TTLL5: variants seen among roughly 807,000 people sequenced by gnomAD.
TTLL5 encodes the protein tubulin tyrosine ligase like 5.
A neutral mutation model predicts 168.4 loss-of-function variants in TTLL5; 132 were observed. The observed-to-expected ratio is 0.78, with a 90% confidence interval of 0.68 to 0.91. TTLL5 has a LOEUF of 0.91. Ranked by LOEUF, TTLL5 falls within the 40% of genes least tolerant of loss-of-function variation. The pLI is 0.00. For synonymous variants in TTLL5, 546 were observed against 558.6 expected (o/e 0.98, Z 0.32); for missense variants, 1,545 against 1,581.5 (o/e 0.98, Z 0.39).
At chr14:75,817,830 CTTTTTTTTTTTTTTT>C (rs1045988787) in intron 27 of TTLL5, among the ~76,000 whole-genome samples, 2 of 83,860 alleles carry the variant, frequency 2.4e-5, no homozygotes, top group Non-Finnish European at 4.3e-5. Context: ...CTTTTCTTTT[CTTTTTTTTTTTTTTT>C]TTTTTTTTTT....
At chr14:75,825,641 ACAAT>A (rs1566620325) in intron 28 of TTLL5, among the ~76,000 whole-genome samples, 3 of 152,306 alleles carry the variant, frequency 2.0e-5, no homozygotes, top group Non-Finnish European at 2.9e-5. Flanking sequence ...GCCAAAGAGC[ACAAT>A]CAAAGAGAAA....
intron 24 of TTLL5, among the ~76,000 whole-genome samples, chr14:75,780,374 T>TGTA (rs1420116629): frequency 6.6e-6 from 1 of 152,206 alleles, no homozygotes; most frequent in African/African-American, 2.4e-5. Context: ...TGCCCCTACA[T>TGTA]GTTTCTAAAA....
Position 75,821,090 on chromosome 14 carries a change from A to G in TTLL5, c.3326+929A>G, listed in dbSNP as rs1228757823. 2.6e-5 allele frequency among the ~76,000 whole-genome samples: 4 copies of G among 152,172 alleles called. No individual in the cohort carries two copies. In the East Asian group the frequency reaches 7.7e-4, roughly 29 times the overall value. On this transcript the variant is annotated intron_variant, in intron 28 of 31. Coordinates refer to ENST00000298832, the MANE Select transcript of TTLL5 (RefSeq NM_015072.5). Reference sequence around the variant, plus strand: ...GGGGGTACTGAAGACTTGGACATGGAGGAAATACCTAGTTGTTGGTAAAGT... The same window carrying G: ...GGGGGTACTGAAGACTTGGACATGGGGGAAATACCTAGTTGTTGGTAAAGT...
intron 28 of TTLL5, among the ~76,000 whole-genome samples, chr14:75,855,255 G>A (rs989840167): frequency 1.3e-5 from 2 of 151,984 alleles, no homozygotes; most frequent in African/African-American, 4.8e-5. Context: ...CTTTGAATCT[G>A]TAGATTGATT....
chr14:75,770,474 GAT>G (rs1450103491), intron 20 of TTLL5, among the ~76,000 whole-genome samples: 3 of 152,200 alleles, frequency 2.0e-5, no homozygotes, highest in Non-Finnish European at 4.4e-5. Context: ...AGCATTCAGT[GAT>G]TGCATTTGTG....
At chr14:75,848,126 G>A (rs182704414) in intron 28 of TTLL5, among the ~76,000 whole-genome samples, 1 of 152,046 alleles carries the variant, frequency 6.6e-6, no homozygotes. Flanking sequence ...CTGAAGGAAG[G>A]GGGCAGAGGC....
chr14:75,805,829 C>T (rs1893621578), intron 27 of TTLL5, among the ~76,000 whole-genome samples: 1 of 151,516 alleles, frequency 6.6e-6, no homozygotes, highest in African/African-American at 2.4e-5. Flanking sequence ...CAGTGCCTCT[C>T]TTCACTTCCT....
intron 29 of TTLL5, among the ~76,000 whole-genome samples, chr14:75,865,921 A>G (rs1366797222): frequency 6.6e-6 from 1 of 152,236 alleles, no homozygotes; most frequent in Non-Finnish European, 1.5e-5. Flanking sequence ...AAAATCATTC[A>G]TCATAATTGT....
intron 18 of TTLL5, among the ~76,000 whole-genome samples, chr14:75,756,577 G>T (rs368910896): frequency 1.3e-5 from 2 of 151,514 alleles, no homozygotes; most frequent in African/African-American, 4.9e-5. Flanking sequence ...GCGCAATCTC[G>T]GCTCACTGCA....
At chr14:75,925,490 A>G (rs2034014529) in intron 31 of TTLL5, among the ~76,000 whole-genome samples, 1 of 141,416 alleles carries the variant, frequency 7.1e-6, no homozygotes, top group African/African-American at 2.7e-5. Context: ...ATCTCAGGCG[A>G]TGGGCGGCCG....
rs5809738 is a variant in TTLL5, at chr14:75,912,071, C to CT, written c.3823+9847_3823+9848insT. ...AACAGCAGCTCGGGTTAGCCCATCC[C>CT]GTGGCCAGGTCATTTGCTGGCTCCT... is the stretch of plus-strand genomic sequence containing the variant. On this transcript the variant is annotated intron_variant, in intron 31 of 31. Transcript: ENST00000298832. Among the ~76,000 whole-genome samples, 40 of 152,130 alleles carry CT rather than the reference C, an allele frequency of 2.6e-4. No homozygotes were observed. The East Asian group carries it at 6.6e-3, about 25-fold the overall frequency.
intron 28 of TTLL5, among the ~76,000 whole-genome samples, chr14:75,851,893 C>G (rs1035154165): frequency 3.3e-5 from 5 of 152,154 alleles, no homozygotes; most frequent in Admixed American, 1.3e-4. Context: ...GTTTAGTACC[C>G]TTATTGGTTA....
intron 28 of TTLL5, among the ~76,000 whole-genome samples, chr14:75,830,072 A>T (rs1050723643): frequency 1.3e-5 from 2 of 152,204 alleles, no homozygotes; most frequent in Non-Finnish European, 1.5e-5. Flanking sequence ...ATTGTTGGGG[A>T]TATAGCATAA....
intron 31 of TTLL5, among the ~76,000 whole-genome samples, chr14:75,928,595 GCTTATTACACTA>G (rs1012566669): frequency 3.0e-4 from 45 of 151,834 alleles, no homozygotes; most frequent in African/African-American, 1.1e-3. Flanking sequence ...ATTCTACGAT[GCTTATTACACTA>G]AAAAAAAGAC....
chr14:75,798,248 C>T (rs1255030194), intron 27 of TTLL5, among the ~76,000 whole-genome samples: 1 of 151,900 alleles, frequency 6.6e-6, no homozygotes, highest in African/African-American at 2.4e-5. Context: ...TTCATAGTAG[C>T]CTTGAGTTAT....
chr14:75,914,770 C>A (rs1260480114), intron 31 of TTLL5, among the ~76,000 whole-genome samples: 1 of 152,048 alleles, frequency 6.6e-6, no homozygotes, highest in African/African-American at 2.4e-5. Context: ...ACTACAGGAG[C>A]CTGCCACCAT....
chr14:75,766,229 G>T lies in TTLL5; in HGVS notation c.1876G>T (p.Val626Leu). The change falls in exon 20 of 32, where the codon GTA (valine) becomes TTA (leucine). Residue 626 changes from valine (V) to leucine (L), a missense_variant. Val to Leu is a conservative substitution (Grantham distance 32, BLOSUM62 1). Transcript: ENST00000298832. The stretch of plus-strand genomic sequence containing the variant: ...ATATACACCCTCATTGACAGCTTTG[G>T]TAGAAAATACACCCAAAGAAAATTC... ...AKYTPSLTAL[V>L]ENTPKENSMK... 1 of 1,613,996 alleles carries T rather than the reference G, an allele frequency of 6.2e-7. No individual in the cohort carries two copies. Among genetic ancestry groups the T allele is most frequent in the Non-Finnish European group, 8.5e-7 (1 of 1,179,964 alleles).
At chr14:75,934,444 C>G (rs1267136789) in intron 31 of TTLL5, among the ~76,000 whole-genome samples, 1 of 152,206 alleles carries the variant, frequency 6.6e-6, no homozygotes, top group African/African-American at 2.4e-5. Flanking sequence ...AAGCTATACT[C>G]TCATTCTGTG....
chr14:75,751,644 A>G (rs148725923), intron 17 of TTLL5, among the ~76,000 whole-genome samples: 47 of 152,328 alleles, frequency 3.1e-4, no homozygotes, highest in African/African-American at 1.1e-3. Context: ...CACTGTGGGT[A>G]ACTGAAACAT....
Sources: allele counts gnomAD v4.1 joint callset (sites outside exome capture counted in the v4.1 genomes callset), GRCh38; gene constraint gnomAD v4.1.1; transcripts MANE v1.5; gene names NCBI Gene and HGNC (gene_info 2026-07-23, HGNC 2026-07-21).